Variants in MAP2K5 observed in about 807,000 individuals in gnomAD.
MAP2K5 encodes mitogen-activated protein kinase kinase 5, also known as dual specificity mitogen-activated protein kinase kinase 5.
Under a neutral mutation model 83.1 loss-of-function variants are expected in MAP2K5, and 49 were observed. The observed-to-expected ratio is 0.59, with a 90% CI of 0.47 to 0.75. MAP2K5 has a LOEUF of 0.75. MAP2K5 is among the 30% of genes least tolerant of loss of function. The probability of loss-of-function intolerance (pLI) is 0.00; values close to 1 mark genes in which losing one functional copy is unlikely to be tolerated. For synonymous variants in MAP2K5, 202 were observed against 191.8 expected, an observed-to-expected ratio of 1.05 and a Z score of -0.44; for missense variants, 457 against 557.5, an observed-to-expected ratio of 0.82 and a Z score of 1.82.
At chr15:67,569,754 A>C (rs1023573958) in intron 3 of MAP2K5, among the ~76,000 whole-genome samples, 2 of 152,078 alleles carry the variant, frequency 1.3e-5, no homozygotes, top group African/African-American at 4.8e-5. Context: ...GCACCAGGGC[A>C]CTCTGGGGAC....
intron 16 of MAP2K5, among the ~76,000 whole-genome samples, chr15:67,725,318 G>C (rs1469731049): frequency 6.6e-6 from 1 of 152,232 alleles, no homozygotes; most frequent in African/African-American, 2.4e-5. Flanking sequence ...TGGCCTCTCT[G>C]TAGAACCATG....
intron 13 of MAP2K5, among the ~76,000 whole-genome samples, chr15:67,691,705 CT>C (rs1356445533): frequency 6.6e-6 from 1 of 152,140 alleles, no homozygotes. Context: ...CCCTGAATTC[CT>C]GAAAAGGCTC....
chr15:67,567,157 T>C (rs1233276443), intron 3 of MAP2K5, among the ~76,000 whole-genome samples: 2 of 152,238 alleles, frequency 1.3e-5, no homozygotes, highest in Non-Finnish European at 2.9e-5. Flanking sequence ...AGATATTTAA[T>C]GTATTGAAAG....
chr15:67,678,825 A>T (rs1246140734), intron 13 of MAP2K5, among the ~76,000 whole-genome samples: 1 of 152,032 alleles, frequency 6.6e-6, no homozygotes, highest in African/African-American at 2.4e-5. Flanking sequence ...TTAGCGGGGC[A>T]TGGTGGTGAG....
intron 15 of MAP2K5, among the ~76,000 whole-genome samples, chr15:67,694,625 A>T (rs958934648): frequency 6.6e-6 from 1 of 152,272 alleles, no homozygotes; most frequent in East Asian, 1.9e-4. Flanking sequence ...GCTGGAGAGG[A>T]TGTAGAGAAA....
In MAP2K5 at chr15:67,717,043, G is replaced by A. The variant is rs555886070; in HGVS notation, c.1045-10873G>A. On this transcript the variant is annotated intron_variant, in intron 16 of 21. Transcript: ENST00000178640. This position sits in a 1 kb window ranked among gnomAD's most constrained non-coding sequence, Gnocchi z 4.1. ...GCAGCAGTCAAGTATTCTGACTCAT[G>A]GATTCAAGTCTGCTTCTTCCATTAT... Among the ~76,000 whole-genome samples, 102 of 152,294 alleles carry A rather than the reference G, an allele frequency of 6.7e-4. 1 individual carries two copies. The highest frequency in any genetic ancestry group is 2.4e-3 in the African/African-American group (100 of 41,564).
chr15:67,595,988 T>G (rs1423532656), intron 7 of MAP2K5, among the ~76,000 whole-genome samples: 1 of 151,764 alleles, frequency 6.6e-6, no homozygotes, highest in Non-Finnish European at 1.5e-5. Context: ...TTTTTTTTTT[T>G]TGTTTTTTAG....
chr15:67,805,477 T>C (rs113176448), intron 21 of MAP2K5, among the ~76,000 whole-genome samples: 21 of 152,314 alleles, frequency 1.4e-4, no homozygotes, highest in African/African-American at 5.1e-4. Context: ...CATGCGGCTC[T>C]TTAAGCAGCC....
Position 67,786,395 on chromosome 15 carries a change from G to A in MAP2K5, c.1242+13643G>A, listed in dbSNP as rs185370448. Among the ~76,000 whole-genome samples, 228 of 152,310 alleles carry A rather than the reference G, an allele frequency of 1.5e-3. No individual in the cohort carries two copies. The highest frequency in any genetic ancestry group is 2.2e-3 in the Non-Finnish European group (152 of 68,034). On this transcript the variant is annotated intron_variant, in intron 21 of 21. Transcript: ENST00000178640. The surrounding 1 kb of genome is among the most constrained non-coding windows in gnomAD (Gnocchi z 4.7). ...GTAAAATGTAATGAGCATCTTGTTG[G>A]AGGGAATTATTGTAAACCAGTTAAT...
At chr15:67,585,428 A>G (rs891241854) in intron 4 of MAP2K5, among the ~76,000 whole-genome samples, 2 of 152,218 alleles carry the variant, frequency 1.3e-5, no homozygotes, top group Non-Finnish European at 2.9e-5. Flanking sequence ...GCAAAGTAGT[A>G]TTCAAACTAG....
intron 16 of MAP2K5, 119 bp from the exon 17 acceptor site, chr15:67,727,797 A>T: frequency 1.3e-6 from 1 of 788,814 alleles, no homozygotes; most frequent in Non-Finnish European, 2.3e-6. Flanking sequence ...TGTACATTCA[A>T]GGTTGTGAAC....
rs558088997 is a variant in MAP2K5, at chr15:67,748,321, T to C, written c.1101+64T>C. The C allele has an allele frequency of 2.2e-6, 3 of 1,343,302 alleles. No homozygotes were observed. Among genetic ancestry groups the C allele is most frequent in the Non-Finnish European group, 3.2e-6 (3 of 938,616 alleles). 83.2% of individuals were successfully genotyped at this position (1,343,302 alleles called of 1,614,324 possible). ...TTTCCTGATGGCTGCTTCCTTTGCA[T>C]GCTTGAATGCCTTGTTTTAAACTTA... On this transcript the variant is annotated intron_variant, in intron 18 of 21. Coordinates refer to ENST00000178640, the MANE Select transcript of MAP2K5 (RefSeq NM_145160.3). This position sits in a 1 kb window ranked among gnomAD's most constrained non-coding sequence, Gnocchi z 4.0.
At chr15:67,570,764 ATAGT>A (rs1320846561) in intron 3 of MAP2K5, among the ~76,000 whole-genome samples, 1 of 152,258 alleles carries the variant, frequency 6.6e-6, no homozygotes, top group Admixed American at 6.5e-5. Flanking sequence ...TGGACTGCAA[ATAGT>A]TGGTTAGTTT....
In MAP2K5 at chr15:67,770,243, A is replaced by G. The variant is rs952383670; in HGVS notation, c.1196+580A>G. Among the ~76,000 whole-genome samples, 3 of 152,238 alleles carry G rather than the reference A, an allele frequency of 2.0e-5. No individual in the cohort carries two copies. The highest frequency in any genetic ancestry group is 4.4e-5 in the Non-Finnish European group (3 of 68,036). The stretch of plus-strand genomic sequence containing the variant: ...CAGGGGCCCTCAGAGCCTCTAGGCA[A>G]TTCCTTGTCATTTTATATCTGAAGA... On this transcript the variant is annotated intron_variant, in intron 20 of 21. Coordinates refer to ENST00000178640, the MANE Select transcript of MAP2K5 (RefSeq NM_145160.3). This position sits in a 1 kb window ranked among gnomAD's most constrained non-coding sequence, Gnocchi z 5.0.
chr15:67,677,238 G>T lies in MAP2K5; in HGVS notation c.847+12593G>T, dbSNP rs9783734. Among the ~76,000 whole-genome samples the T allele has an allele frequency of 5.5e-3, 837 of 152,230 alleles. 11 individuals are homozygous for T. Among genetic ancestry groups the T allele is most frequent in the African/African-American group, 0.019 (786 of 41,536 alleles). On this transcript the variant is annotated intron_variant, in intron 13 of 21. Transcript: ENST00000178640. This position sits in a 1 kb window ranked among gnomAD's most constrained non-coding sequence, Gnocchi z 4.2. ...CATAAATATAATGCAGTTTGTTAAG[G>T]CTTAAGAGCTTTACTAGTCGAAGCC... is the stretch of plus-strand genomic sequence containing the variant.
At chr15:67,691,345 G>A (rs2088109521) in intron 13 of MAP2K5, among the ~76,000 whole-genome samples, 1 of 152,190 alleles carries the variant, frequency 6.6e-6, no homozygotes, top group South Asian at 2.1e-4. Context: ...ATAAGAAAAT[G>A]CCAAGCACAT....
rs1193572096 is a variant in MAP2K5 at position 67,698,731 on chromosome 15, C to T, written c.973-4606C>T. ...AACATTTTTTTCTGCCCAAGCTATT[C>T]CAGTTCTTGGTAATTGTCTTTACTC... On this transcript the variant is annotated intron_variant, in intron 15 of 21. Transcript: ENST00000178640. The surrounding 1 kb of genome is among the most constrained non-coding windows in gnomAD (Gnocchi z 4.5). Among the ~76,000 whole-genome samples, 1 of 152,112 alleles carries T rather than the reference C, an allele frequency of 6.6e-6. No homozygotes were observed. Among genetic ancestry groups the T allele is most frequent in the Non-Finnish European group, 1.5e-5 (1 of 68,010 alleles).
At chr15:67,671,043 A>G (rs1008690191) in intron 13 of MAP2K5, among the ~76,000 whole-genome samples, 2 of 152,228 alleles carry the variant, frequency 1.3e-5, no homozygotes, top group African/African-American at 4.8e-5. Flanking sequence ...TGACTGCCTC[A>G]CTGGGTGACC....
chr15:67,625,220 T>C (rs2141075476), intron 8 of MAP2K5, among the ~76,000 whole-genome samples: 1 of 152,358 alleles, frequency 6.6e-6, no homozygotes, highest in East Asian at 1.9e-4. Context: ...AAGTATTCGC[T>C]TGCACTGGGC....
Sources: allele counts gnomAD v4.1 joint callset (sites outside exome capture counted in the v4.1 genomes callset), GRCh38; gene constraint gnomAD v4.1.1; non-coding constraint Gnocchi (gnomAD v3.1); transcripts MANE v1.5; gene names NCBI Gene and HGNC (gene_info 2026-07-23, HGNC 2026-07-21).